Variants in PRKAG2 observed in about 807,000 individuals in gnomAD.
PRKAG2 encodes the protein 5'-AMP-activated protein kinase subunit gamma-2.
Under a neutral mutation model 69.6 loss-of-function variants are expected in PRKAG2, and 26 were observed. The observed-to-expected ratio is 0.37, with a 90% CI of 0.27 to 0.52. PRKAG2 has a LOEUF of 0.52. PRKAG2 is among the 20% of genes least tolerant of loss of function. PRKAG2 has a pLI of 0.90. For synonymous variants in PRKAG2, 293 were observed against 285.0 expected (o/e 1.03, Z -0.28); for missense variants, 557 against 740.0 (o/e 0.75, Z 2.87).
rs538245663 is a variant in PRKAG2 at position 151,804,366 on chromosome 7, G to C, written c.115-17825C>G. Among the ~76,000 whole-genome samples the C allele has an allele frequency of 5.3e-5, 8 of 152,300 alleles. No homozygotes were observed. The East Asian group carries it at 1.5e-3, about 29-fold the overall frequency. On this transcript the variant is annotated intron_variant, in intron 1 of 15. Transcript: ENST00000287878. ...AAGTGTGGCTGCTGCTTGCAGGTCA[G>C]TGCATTTATTATTTCTGCCACGTGC...
intron 3 of PRKAG2, among the ~76,000 whole-genome samples, chr7:151,751,306 G>A (rs555751451): frequency 6.6e-6 from 1 of 151,496 alleles, no homozygotes; most frequent in East Asian, 1.9e-4. Flanking sequence ...AGTAGAGACG[G>A]GGTTTCACCG....
intron 3 of PRKAG2, among the ~76,000 whole-genome samples, chr7:151,742,118 G>C (rs1274184217): frequency 3.9e-5 from 6 of 152,142 alleles, no homozygotes; most frequent in Non-Finnish European, 8.8e-5. Context: ...AGATGGACTT[G>C]TCCCCTCATG....
chr7:151,667,830 C>A (rs1287758388), intron 4 of PRKAG2, among the ~76,000 whole-genome samples: 5 of 152,152 alleles, frequency 3.3e-5, no homozygotes, highest in African/African-American at 1.2e-4. Context: ...TGGTAGGTGA[C>A]CAAAGATGTA....
intron 10 of PRKAG2, among the ~76,000 whole-genome samples, chr7:151,569,245 G>A (rs541426691): frequency 1.3e-5 from 2 of 152,338 alleles, no homozygotes; most frequent in Admixed American, 1.3e-4. Flanking sequence ...ACGTTGCCCA[G>A]GCTGCTCTCG....
At chr7:151,559,610 G>T (rs577132233) in intron 15 of PRKAG2, 498 of 985,250 alleles carry the variant, frequency 5.1e-4, no homozygotes, top group Non-Finnish European at 5.7e-4. Context: ...TTTCTTGCAG[G>T]TGGTGAAGAT....
At chr7:151,691,420 AC>A (rs1215031854) in intron 3 of PRKAG2, among the ~76,000 whole-genome samples, 1 of 151,980 alleles carries the variant, frequency 6.6e-6, no homozygotes, top group Non-Finnish European at 1.5e-5. Flanking sequence ...ATGATAAAGG[AC>A]TTGTAGCAGA....
chr7:151,808,463 G>A (rs1005852066), intron 1 of PRKAG2, among the ~76,000 whole-genome samples: 7 of 152,140 alleles, frequency 4.6e-5, no homozygotes, highest in African/African-American at 1.7e-4. Flanking sequence ...AGGGAAACAG[G>A]AGGCCTCTCT....
chr7:151,661,902 C>G (rs1050299181), intron 4 of PRKAG2, among the ~76,000 whole-genome samples: 17 of 152,212 alleles, frequency 1.1e-4, no homozygotes, highest in African/African-American at 4.1e-4. Flanking sequence ...ACCTCGCCAG[C>G]TAAAGTTAAT....
rs926072836 is a variant in PRKAG2 at position 151,632,749 on chromosome 7, C to T, written c.685-611G>A. The T allele has an allele frequency of 3.5e-6, 1 of 281,890 alleles. No homozygotes were observed. The highest frequency in any genetic ancestry group is 5.4e-6 in the Non-Finnish European group (1 of 186,488). 17.5% of individuals were successfully genotyped at this position (281,890 alleles called of 1,614,324 possible). On this transcript the variant is annotated intron_variant, in intron 4 of 15. Coordinates refer to ENST00000287878, the MANE Select transcript of PRKAG2 (RefSeq NM_016203.4). This position sits in a 1 kb window ranked among gnomAD's most constrained non-coding sequence, Gnocchi z 4.2. Reference sequence around the variant, plus strand: ...TAGATGTAACTGCCCATCCTCGGCCCCCTTAACAAAAATCGTTCCGTGGGC... The same window carrying T: ...TAGATGTAACTGCCCATCCTCGGCCTCCTTAACAAAAATCGTTCCGTGGGC...
At chr7:151,759,249 T>C (rs2151753603) in intron 3 of PRKAG2, among the ~76,000 whole-genome samples, 1 of 152,244 alleles carries the variant, frequency 6.6e-6, no homozygotes. Context: ...CCTCCACCTG[T>C]CCTCTCCCTG....
At chr7:151,759,457 G>T (rs1437991346) in intron 3 of PRKAG2, among the ~76,000 whole-genome samples, 2 of 152,192 alleles carry the variant, frequency 1.3e-5, no homozygotes, top group African/African-American at 4.8e-5. Context: ...CTCATTCACT[G>T]CTGCGTTCCC....
chr7:151,733,139 T>A (rs1052125310), intron 3 of PRKAG2, among the ~76,000 whole-genome samples: 3 of 152,244 alleles, frequency 2.0e-5, no homozygotes, highest in Admixed American at 6.5e-5. Context: ...CAACACTGTC[T>A]GTGGGGCACA....
At chr7:151,794,796 T>C (rs1259591607) in intron 1 of PRKAG2, among the ~76,000 whole-genome samples, 2 of 152,262 alleles carry the variant, frequency 1.3e-5, no homozygotes, top group African/African-American at 2.4e-5. Context: ...GATCACAGCA[T>C]GGCCGCTGCC....
chr7:151,633,602 ATAAAC>A (rs1436223734), intron 4 of PRKAG2, among the ~76,000 whole-genome samples: 1 of 152,076 alleles, frequency 6.6e-6, no homozygotes, highest in Non-Finnish European at 1.5e-5. Flanking sequence ...TCACATTTCT[ATAAAC>A]TAACAATGAA....
intron 3 of PRKAG2, among the ~76,000 whole-genome samples, chr7:151,733,705 A>ATT (rs11330944): frequency 0.012 from 1,665 of 142,984 alleles, 31 homozygotes; most frequent in African/African-American, 0.038. Context: ...CACAGTCACC[A>ATT]TTTTTTTTTT....
rs769064769 is a variant in PRKAG2 at position 151,781,399 on chromosome 7, G to A, written c.219C>T (p.Ser73=). The A allele has an allele frequency of 3.7e-6, 6 of 1,611,564 alleles. No homozygotes were observed. Among genetic ancestry groups the A allele is most frequent in the Non-Finnish European group, 5.1e-6 (6 of 1,179,142 alleles). The change falls in exon 3 of 16, where the codon TCC becomes TCT. Residue 73 remains serine, a synonymous_variant. Transcript: ENST00000287878. This position sits in a 1 kb window ranked among gnomAD's most constrained non-coding sequence, Gnocchi z 6.1. ...GGGGGCCTCTGGAGAAGAACCCTTTGGAGGGGCTGCCCGGGCCGAAGGGGC... is the reference window on the plus strand; with the variant it reads ...GGGGGCCTCTGGAGAAGAACCCTTTAGAGGGGCTGCCCGGGCCGAAGGGGC... The part of the protein sequence containing the change: ...VDSPFGPGSP[S]KGFFSRGPQP...
chr7:151,846,145 T>C (rs60814812), intron 1 of PRKAG2, among the ~76,000 whole-genome samples: 14,620 of 152,260 alleles, frequency 0.096, 1,322 homozygotes, highest in East Asian at 0.39. Flanking sequence ...TGTTAGAAGT[T>C]TTCCATTTCT....
chr7:151,839,607 C>A (rs2079228842), intron 1 of PRKAG2, among the ~76,000 whole-genome samples: 1 of 152,220 alleles, frequency 6.6e-6, no homozygotes. Flanking sequence ...CACGAGAATT[C>A]CTTCAGCAGG....
At chr7:151,867,990 C>T (rs2080120339) in intron 1 of PRKAG2, among the ~76,000 whole-genome samples, 1 of 152,286 alleles carries the variant, frequency 6.6e-6, no homozygotes, top group East Asian at 1.9e-4. Flanking sequence ...CAGGACCAGG[C>T]CTTTGGCTCA....
Sources: allele counts gnomAD v4.1 joint callset (sites outside exome capture counted in the v4.1 genomes callset), GRCh38; gene constraint gnomAD v4.1.1; non-coding constraint Gnocchi (gnomAD v3.1); transcripts MANE v1.5; gene names NCBI Gene and HGNC (gene_info 2026-07-23, HGNC 2026-07-21).